ARK2C: variants seen among roughly 807,000 people sequenced by gnomAD.
ARK2C encodes the protein arkadia (RNF111) C-terminal like ring finger ubiquitin ligase 2C.
At chr18:46,342,682 C>T in the ARK2C span, among the ~76,000 whole-genome samples, 119,314 of 152,208 alleles carry the variant, frequency 0.78, 46,975 homozygotes, top group East Asian at 0.91. Context: ...TTCCTGAGGC[C>T]TTGAGCCCCA....
At chr18:46,434,390 AT>A in the ARK2C span, among the ~76,000 whole-genome samples, 1 of 152,254 alleles carries the variant, frequency 6.6e-6, no homozygotes, top group Non-Finnish European at 1.5e-5. Context: ...TTTATGAAAA[AT>A]AACCACTATA....
chr18:46,448,507 C>A, the ARK2C span, among the ~76,000 whole-genome samples: 1 of 152,162 alleles, frequency 6.6e-6, no homozygotes, highest in Non-Finnish European at 1.5e-5. Context: ...CAGAGTAGAC[C>A]TTGCACTTCA....
At chr18:46,338,206 G>C in the ARK2C span, among the ~76,000 whole-genome samples, 1 of 152,178 alleles carries the variant, frequency 6.6e-6, no homozygotes, top group South Asian at 2.1e-4. Context: ...GTTACATGTA[G>C]CTGAAGCCAT....
chr18:46,392,686 C>T, the ARK2C span, among the ~76,000 whole-genome samples: 25 of 152,272 alleles, frequency 1.6e-4, no homozygotes, highest in South Asian at 3.5e-3. Flanking sequence ...GAGGGTGACA[C>T]GGTCCTGTGC....
chr18:46,449,372 A>T, the ARK2C span, among the ~76,000 whole-genome samples: 1 of 152,198 alleles, frequency 6.6e-6, no homozygotes, highest in Non-Finnish European at 1.5e-5. Context: ...TTTAAAAAAC[A>T]TTGCATTAAA....
the ARK2C span, among the ~76,000 whole-genome samples, chr18:46,403,194 A>G: frequency 2.0e-5 from 3 of 152,224 alleles, no homozygotes; most frequent in Admixed American, 2.0e-4. Flanking sequence ...TGTGAATTCC[A>G]GAGTGTGCCA....
chr18:46,432,090 T>G, the ARK2C span, among the ~76,000 whole-genome samples: 1 of 152,240 alleles, frequency 6.6e-6, no homozygotes, highest in Non-Finnish European at 1.5e-5. Flanking sequence ...AGACATGTAC[T>G]GAATCTGCCA....
the ARK2C span, chr18:46,458,099 A>G: frequency 6.6e-6 from 1 of 152,260 alleles, no homozygotes; most frequent in South Asian, 2.1e-4. Context: ...TACCTCACCT[A>G]GATGTTGTGA....
At chr18:46,359,315 C>T in the ARK2C span, among the ~76,000 whole-genome samples, 179 of 152,168 alleles carry the variant, frequency 1.2e-3, no homozygotes, top group African/African-American at 4.1e-3. Flanking sequence ...AAACGATGAA[C>T]GTGACAAAGG....
chr18:46,444,970 T>C, the ARK2C span, among the ~76,000 whole-genome samples: 1 of 152,198 alleles, frequency 6.6e-6, no homozygotes, highest in Non-Finnish European at 1.5e-5. Flanking sequence ...TTTTCTTTTG[T>C]ATATTTGAAT....
At chr18:46,439,019 G>C in the ARK2C span, among the ~76,000 whole-genome samples, 1 of 152,252 alleles carries the variant, frequency 6.6e-6, no homozygotes, top group African/African-American at 2.4e-5. Flanking sequence ...AGCTGCTGCT[G>C]TTCAGGCTGT....
chr18:46,383,171 A>C, the ARK2C span, among the ~76,000 whole-genome samples: 1 of 152,248 alleles, frequency 6.6e-6, no homozygotes, highest in Non-Finnish European at 1.5e-5. Flanking sequence ...GATGGCTTCC[A>C]AAAAGGGAGA....
At chr18:46,423,875 C>T in the ARK2C span, among the ~76,000 whole-genome samples, 1 of 152,202 alleles carries the variant, frequency 6.6e-6, no homozygotes, top group African/African-American at 2.4e-5. Context: ...AAATAAAGAA[C>T]TCTTTCTTCC....
At chr18:46,368,002 G>C in the ARK2C span, among the ~76,000 whole-genome samples, 3 of 152,212 alleles carry the variant, frequency 2.0e-5, no homozygotes, top group Admixed American at 6.5e-5. Context: ...CCCCAGCTGG[G>C]AGGGGCTTGT....
chr18:46,343,037 T>C, the ARK2C span, among the ~76,000 whole-genome samples: 1 of 152,250 alleles, frequency 6.6e-6, no homozygotes, highest in African/African-American at 2.4e-5. Flanking sequence ...TACATAATAT[T>C]CCACTTGAAT....
chr18:46,456,144 A>C, the ARK2C span: 12 of 987,746 alleles, frequency 1.2e-5, no homozygotes, highest in Non-Finnish European at 1.9e-5. Context: ...CAATCACTGC[A>C]CCGTGTGTCT....
chr18:46,430,717 A>G, the ARK2C span, among the ~76,000 whole-genome samples: 2 of 151,832 alleles, frequency 1.3e-5, no homozygotes, highest in African/African-American at 4.8e-5. Flanking sequence ...GTTGAATTTC[A>G]TTTCACCTCG....
the ARK2C span, chr18:46,334,489 C>A: frequency 1.7e-6 from 1 of 597,880 alleles, no homozygotes; most frequent in Non-Finnish European, 2.6e-6. This position sits in a 1 kb window ranked among gnomAD's most constrained non-coding sequence, Gnocchi z 4.4. Context: ...TAGGGGGACC[C>A]CCGAGGGTGG....
chr18:46,383,729 T>C, the ARK2C span, among the ~76,000 whole-genome samples: 1 of 151,516 alleles, frequency 6.6e-6, no homozygotes, highest in African/African-American at 2.4e-5. Context: ...TAATTTTTTG[T>C]ATTTTTAATA....
Sources: allele counts gnomAD v4.1 joint callset (sites outside exome capture counted in the v4.1 genomes callset), GRCh38; gene constraint gnomAD v4.1.1; non-coding constraint Gnocchi (gnomAD v3.1); transcripts MANE v1.5; gene names NCBI Gene and HGNC (gene_info 2026-07-23, HGNC 2026-07-21).